The following LRFN5 variants were observed in gnomAD, a reference collection of about 807,000 sequenced individuals.
The protein encoded by LRFN5 is leucine-rich repeat and fibronectin type-III domain-containing protein 5.
LRFN5 carries 24 observed loss-of-function variants against 45.6 expected under a neutral mutation model. The observed-to-expected ratio is 0.53, with a 90% CI of 0.38 to 0.74. The LOEUF is 0.74. LRFN5 is among the 30% of genes least tolerant of loss of function. The pLI is 0.00. For missense variants in LRFN5, 776 were observed against 861.5 expected, an observed-to-expected ratio of 0.90 and a Z score of 1.24; for synonymous variants, 340 against 313.8, an observed-to-expected ratio of 1.08 and a Z score of -0.88.
At chr14:41,731,154 C>A (rs1187526471) in intron 1 of LRFN5, among the ~76,000 whole-genome samples, 1 of 152,128 alleles carries the variant, frequency 6.6e-6, no homozygotes, top group Non-Finnish European at 1.5e-5. Context: ...AAAGTCTCAT[C>A]ACACACCAAC....
intron 1 of LRFN5, among the ~76,000 whole-genome samples, chr14:41,656,702 T>C (rs963393878): frequency 5.3e-5 from 8 of 151,902 alleles, no homozygotes; most frequent in Non-Finnish European, 1.2e-4. Flanking sequence ...AGCAAATCAG[T>C]GTCCCATAAT....
intron 2 of LRFN5, among the ~76,000 whole-genome samples, chr14:41,857,837 A>C (rs1354629714): frequency 6.6e-6 from 1 of 152,216 alleles, no homozygotes; most frequent in Non-Finnish European, 1.5e-5. Flanking sequence ...AGACATGAGA[A>C]CATTTATGCT....
intron 1 of LRFN5, among the ~76,000 whole-genome samples, chr14:41,634,276 A>G (rs1358408837): frequency 1.3e-5 from 2 of 152,108 alleles, no homozygotes; most frequent in African/African-American, 4.8e-5. Flanking sequence ...ATTTTTCAGC[A>G]TCTTCTATTA....
Position 41,813,414 on chromosome 14 carries a change from A to C in LRFN5, c.-21+46385A>C, listed in dbSNP as rs535680468. On this transcript the variant is annotated intron_variant, in intron 2 of 5. Transcript: ENST00000298119. The stretch of plus-strand genomic sequence containing the variant: ...CTGTGCCCATATGTTCTCATTGTTC[A>C]ACTCCCACTTATGAGTGAGAACAAA... 3.9e-5 allele frequency among the ~76,000 whole-genome samples: 6 copies of C among 152,166 alleles called. No individual in the cohort carries two copies. In the East Asian group the frequency reaches 1.2e-3, roughly 29 times the overall value.
intron 5 of LRFN5, among the ~76,000 whole-genome samples, chr14:41,902,077 T>C (rs1891118324): frequency 1.3e-5 from 2 of 152,022 alleles, no homozygotes; most frequent in African/African-American, 4.8e-5. Context: ...CAGTTCTTAA[T>C]TACATTGAGA....
chr14:41,878,951 C>T (rs1294545764), intron 2 of LRFN5, among the ~76,000 whole-genome samples: 3 of 151,930 alleles, frequency 2.0e-5, no homozygotes, highest in South Asian at 4.1e-4. Flanking sequence ...GATCTTACCT[C>T]GTATTTTTAA....
At chr14:41,900,118 C>T (rs1056924940) in intron 5 of LRFN5, among the ~76,000 whole-genome samples, 7 of 151,920 alleles carry the variant, frequency 4.6e-5, no homozygotes, top group Non-Finnish European at 1.0e-4. Context: ...GTTCATTTAT[C>T]ATGTAACTTT....
intron 4 of LRFN5, among the ~76,000 whole-genome samples, chr14:41,895,520 G>A (rs559135533): frequency 1.3e-5 from 2 of 152,216 alleles, no homozygotes; most frequent in Middle Eastern, 3.4e-3. Context: ...AGCTACTCAG[G>A]AGGCTGAGGT....
intron 5 of LRFN5, among the ~76,000 whole-genome samples, chr14:41,903,620 CT>C (rs1168077684): frequency 6.6e-6 from 1 of 151,408 alleles, no homozygotes; most frequent in Non-Finnish European, 1.5e-5. Flanking sequence ...CATGGAATGC[CT>C]GTAAGAGTTA....
At chr14:41,759,906 G>C (rs1885586118) in intron 1 of LRFN5, among the ~76,000 whole-genome samples, 1 of 152,184 alleles carries the variant, frequency 6.6e-6, no homozygotes, top group Non-Finnish European at 1.5e-5. Flanking sequence ...TCCGCCCTAA[G>C]GCAGATGATG....
chr14:41,791,677 C>A (rs554454889), intron 2 of LRFN5, among the ~76,000 whole-genome samples: 31 of 152,094 alleles, frequency 2.0e-4, no homozygotes, highest in African/African-American at 6.7e-4. Flanking sequence ...TAACTGTGTT[C>A]AGCTTTTTTA....
At chr14:41,843,205 A>G (rs750267591) in intron 2 of LRFN5, among the ~76,000 whole-genome samples, 1 of 147,978 alleles carries the variant, frequency 6.8e-6, no homozygotes, top group Non-Finnish European at 1.5e-5. Context: ...CCCATCTCAC[A>G]CTCCCAAGTA....
intron 2 of LRFN5, among the ~76,000 whole-genome samples, chr14:41,850,958 G>A (rs1391007204): frequency 6.6e-6 from 1 of 151,722 alleles, no homozygotes; most frequent in Non-Finnish European, 1.5e-5. Context: ...GTTAACAAGT[G>A]GGTAAGAAAA....
chr14:41,862,469 G>A (rs1391362909), intron 2 of LRFN5, among the ~76,000 whole-genome samples: 2 of 151,902 alleles, frequency 1.3e-5, no homozygotes, highest in Non-Finnish European at 2.9e-5. Context: ...ATGGACATTT[G>A]AATTCCTTCT....
intron 2 of LRFN5, among the ~76,000 whole-genome samples, chr14:41,815,787 A>C (rs1036438675): frequency 6.6e-5 from 10 of 151,318 alleles, no homozygotes; most frequent in African/African-American, 2.2e-4. Context: ...AATAAATAAA[A>C]TGAAGTGGAT....
At chr14:41,872,438 T>C (rs1225982957) in intron 2 of LRFN5, among the ~76,000 whole-genome samples, 5 of 152,190 alleles carry the variant, frequency 3.3e-5, no homozygotes, top group African/African-American at 9.7e-5. Flanking sequence ...CTGTAACCAA[T>C]TGAAATTAGT....
intron 2 of LRFN5, among the ~76,000 whole-genome samples, chr14:41,788,516 T>G (rs935160101): frequency 6.6e-6 from 1 of 151,834 alleles, no homozygotes; most frequent in East Asian, 1.9e-4. Flanking sequence ...TTTCCTCTAT[T>G]TACATAAAAG....
At chr14:41,734,834 T>C (rs937952609) in intron 1 of LRFN5, among the ~76,000 whole-genome samples, 4 of 151,984 alleles carry the variant, frequency 2.6e-5, no homozygotes, top group African/African-American at 9.7e-5. Context: ...AGGGTTTTGC[T>C]TGTGGTTACA....
chr14:41,657,247 T>C (rs1423826566), intron 1 of LRFN5, among the ~76,000 whole-genome samples: 1 of 152,010 alleles, frequency 6.6e-6, no homozygotes, highest in Non-Finnish European at 1.5e-5. Flanking sequence ...TATGTTTATT[T>C]ATAAATGTTT....
Sources: gnomAD v4.1 joint callset for allele counts (sites outside exome capture counted in the v4.1 genomes callset) on GRCh38, gnomAD v4.1.1 for gene constraint, MANE v1.5 for transcripts, NCBI Gene and HGNC (gene_info 2026-07-23, HGNC 2026-07-21) for gene names.